Variants in DLC1 observed in about 807,000 individuals in gnomAD.
The protein encoded by DLC1 is DLC1 Rho GTPase activating protein.
Under a neutral mutation model 140.3 loss-of-function variants are expected in DLC1, and 54 were observed. That is an observed-to-expected ratio of 0.38 (90% CI 0.31 to 0.48). The LOEUF is 0.48. Among genes scored for constraint, DLC1 ranks in the 20% least tolerant of loss-of-function variants. DLC1 has a pLI of 0.96. For missense variants in DLC1, 2,536 were observed against 1,907.0 expected (o/e 1.33, Z -6.14); for synonymous variants, 986 against 728.1 (o/e 1.35, Z -5.70).
chr8:13,316,942 T>A (rs775108563), intron 4 of DLC1, among the ~76,000 whole-genome samples: 13 of 152,228 alleles, frequency 8.5e-5, no homozygotes, highest in Non-Finnish European at 1.6e-4. Flanking sequence ...CTATTCCTTT[T>A]TTTTTCTTCT....
At chr8:13,543,226 A>T (rs1380357820) in intron 1 of DLC1, among the ~76,000 whole-genome samples, 1 of 152,192 alleles carries the variant, frequency 6.6e-6, no homozygotes, top group African/African-American at 2.4e-5. Context: ...CAAAGTAGGA[A>T]ATCTTTTTTT....
Position 13,150,264 on chromosome 8 carries a change from G to T in DLC1, c.1349-34607C>A, listed in dbSNP as rs1415466759. 5.9e-5 allele frequency among the ~76,000 whole-genome samples: 9 copies of T among 152,238 alleles called. No homozygotes were observed. The East Asian group carries it at 1.7e-3, about 29-fold the overall frequency. ...TTTATAAGAAAAAAGTTTAATGAGT[G>T]TTTTCTTTTAAAATTAAGTATTGCA... On this transcript the variant is annotated intron_variant, in intron 5 of 17. Transcript: ENST00000276297.
At chr8:13,363,349 G>A (rs940540303) in intron 4 of DLC1, among the ~76,000 whole-genome samples, 3 of 149,034 alleles carry the variant, frequency 2.0e-5, no homozygotes, top group East Asian at 2.0e-4. Flanking sequence ...CATTGAATAC[G>A]TGAATGCTAA....
At chr8:13,444,288 T>C (rs11993646) in intron 2 of DLC1, among the ~76,000 whole-genome samples, 13,619 of 152,070 alleles carry the variant, frequency 0.09, 717 homozygotes, top group Admixed American at 0.14. Context: ...CATCACACAC[T>C]GGGGCCTGAC....
At chr8:13,517,328 G>C (rs1585235219), upstream of DLC1, among the ~76,000 whole-genome samples, 2 of 151,970 alleles carry the variant, frequency 1.3e-5, no homozygotes, top group Non-Finnish European at 2.9e-5. Context: ...CTATTGGCTT[G>C]GGAAAACAAG....
intron 2 of DLC1, among the ~76,000 whole-genome samples, chr8:13,465,187 A>T (rs1363095166): frequency 6.6e-6 from 1 of 152,216 alleles, no homozygotes; most frequent in African/African-American, 2.4e-5. Context: ...TTTAATTATT[A>T]TGAGCAGTAA....
At chr8:13,252,909 G>T (rs764988833) in intron 5 of DLC1, among the ~76,000 whole-genome samples, 1 of 152,168 alleles carries the variant, frequency 6.6e-6, no homozygotes, top group Non-Finnish European at 1.5e-5. Flanking sequence ...AAAACATTAA[G>T]TTTTATCAAG....
chr8:13,189,216 A>G (rs1826599655), intron 5 of DLC1, among the ~76,000 whole-genome samples: 2 of 152,168 alleles, frequency 1.3e-5, no homozygotes, highest in South Asian at 4.1e-4. Context: ...TCTTCCTGTT[A>G]AGGTTATATA....
chr8:13,245,570 C>T lies in DLC1; in HGVS notation c.1348+59699G>A, dbSNP rs145986412. On this transcript the variant is annotated intron_variant, in intron 5 of 17. Transcript: ENST00000276297. ...CTGGGAACACATTCTAAATGAGCTA[C>T]CTCCACCTGAATCTTTGTCTCAGGG... Among the ~76,000 whole-genome samples the T allele has an allele frequency of 4.2e-3, 640 of 152,290 alleles. 2 individuals carry two copies. Among genetic ancestry groups the T allele is most frequent in the African/African-American group, 0.015 (616 of 41,552 alleles).
chr8:13,376,243 AG>A (rs1835978740), intron 4 of DLC1, among the ~76,000 whole-genome samples: 1 of 152,204 alleles, frequency 6.6e-6, no homozygotes, highest in Admixed American at 6.5e-5. Flanking sequence ...AACACCATAC[AG>A]CAATGCATGC....
chr8:13,332,242 T>A (rs1225893328), intron 4 of DLC1, among the ~76,000 whole-genome samples: 1 of 152,190 alleles, frequency 6.6e-6, no homozygotes, highest in South Asian at 2.1e-4. Context: ...TAAAGCGTAA[T>A]GAACACAATG....
At chr8:13,240,335 T>G (rs1177234839) in intron 5 of DLC1, among the ~76,000 whole-genome samples, 1 of 152,216 alleles carries the variant, frequency 6.6e-6, no homozygotes, top group Non-Finnish European at 1.5e-5. Flanking sequence ...TGACAATAAC[T>G]TTCATCTGCC....
At chr8:13,306,509 G>T (rs1328322111) in intron 4 of DLC1, among the ~76,000 whole-genome samples, 5 of 151,806 alleles carry the variant, frequency 3.3e-5, no homozygotes, top group Non-Finnish European at 7.4e-5. Flanking sequence ...CATCCTCAGA[G>T]TTGAAGTAAG....
At chr8:13,428,029 G>T (rs1288214987) in intron 2 of DLC1, among the ~76,000 whole-genome samples, 1 of 152,146 alleles carries the variant, frequency 6.6e-6, no homozygotes, top group Non-Finnish European at 1.5e-5. Context: ...TGGCTTCGGG[G>T]AGCAGGGGAA....
At chr8:13,305,222 A>G in intron 5 of DLC1, 47 bp downstream of exon 5, 1 of 1,602,074 alleles carries the variant, frequency 6.2e-7, no homozygotes, top group Non-Finnish European at 8.5e-7. Context: ...GGTGAAATTT[A>G]TTCTAAAATA....
At position 13,091,194 on chromosome 8, in the gene DLC1, C is replaced by T. The variant is rs192689131; in HGVS notation, c.3855+124G>A. The T allele has an allele frequency of 5.5e-6, 4 of 733,246 alleles. No individual in the cohort carries two copies. In the East Asian group the frequency reaches 7.9e-5, roughly 15 times the overall value. The allele number at this position is 733,246 out of a possible 1,614,324, so 45.4% of individuals were successfully genotyped here. ...TATATGTAAATAAGACATTCTCAGG[C>T]TATTTATACCGTCTCCAGCTGTGGA... is the stretch of plus-strand genomic sequence containing the variant. On this transcript the variant is annotated intron_variant, in intron 14 of 17. Transcript: ENST00000276297.
At chr8:13,181,728 G>A (rs1826049999) in intron 5 of DLC1, among the ~76,000 whole-genome samples, 2 of 152,026 alleles carry the variant, frequency 1.3e-5, no homozygotes, top group Non-Finnish European at 2.9e-5. Flanking sequence ...TCTTAATCCA[G>A]TCTATCATTG....
At chr8:13,444,159 C>T (rs1286647364) in intron 2 of DLC1, among the ~76,000 whole-genome samples, 1 of 151,778 alleles carries the variant, frequency 6.6e-6, no homozygotes, top group Non-Finnish European at 1.5e-5. Context: ...GTATATTAGC[C>T]CTTTGTCAGA....
intron 2 of DLC1, among the ~76,000 whole-genome samples, chr8:13,470,055 C>T (rs1306661188): frequency 1.3e-5 from 2 of 152,120 alleles, no homozygotes; most frequent in Non-Finnish European, 1.5e-5. Flanking sequence ...TTGTGCTCAG[C>T]CACCCATTCA....
Sources: gnomAD v4.1 joint callset for allele counts (sites outside exome capture counted in the v4.1 genomes callset) on GRCh38, gnomAD v4.1.1 for gene constraint, MANE v1.5 for transcripts, NCBI Gene and HGNC (gene_info 2026-07-23, HGNC 2026-07-21) for gene names.